SGSM1: variants seen among roughly 807,000 people sequenced by gnomAD.
SGSM1 encodes small G protein signaling modulator 1, also known as RUN and TBC1 domain containing 2.
A neutral mutation model predicts 133.8 loss-of-function variants in SGSM1; 73 were observed. The observed-to-expected ratio is 0.55, with a 90% confidence interval of 0.45 to 0.66. The LOEUF is 0.66. Ranked by LOEUF, SGSM1 falls within the 30% of genes least tolerant of loss-of-function variation. The pLI, the probability that SGSM1 is intolerant of heterozygous loss-of-function variation, is 0.00. For synonymous variants in SGSM1, 563 were observed against 573.0 expected (o/e 0.98, Z 0.25); for missense variants, 1,213 against 1,448.1 (o/e 0.84, Z 2.64).
intron 21 of SGSM1, among the ~76,000 whole-genome samples, chr22:24,908,688 G>C (rs1933502192): frequency 6.6e-6 from 1 of 151,936 alleles, no homozygotes; most frequent in South Asian, 2.1e-4. Flanking sequence ...TGTAGTCCCA[G>C]CTACTCGGGA....
At position 24,896,092 on chromosome 22, in the gene SGSM1, G is replaced by A. The variant is rs112524547; in HGVS notation, c.2022+801G>A. 1.8e-3 allele frequency among the ~76,000 whole-genome samples: 275 copies of A among 152,174 alleles called. 1 individual carries two copies. Among genetic ancestry groups the A allele is most frequent in the African/African-American group, 6.4e-3 (265 of 41,518 alleles). ...AGCCAAGTGCAAAAACATGCATAGT[G>A]TGTTGTCACCTTTTGTGTAAGAAGA... On this transcript the variant is annotated intron_variant, in intron 18 of 24. Transcript: ENST00000400358.
intron 16 of SGSM1, among the ~76,000 whole-genome samples, chr22:24,891,204 T>A (rs768459543): frequency 6.6e-6 from 1 of 151,988 alleles, no homozygotes; most frequent in Admixed American, 6.6e-5. Flanking sequence ...TACAAAAAAT[T>A]TAAAAACTAG....
chr22:24,889,085 C>T (rs1932757157), intron 16 of SGSM1, among the ~76,000 whole-genome samples: 2 of 151,714 alleles, frequency 1.3e-5, no homozygotes, highest in African/African-American at 4.8e-5. Flanking sequence ...CCTCAGCCTC[C>T]CCAGTAGCTG....
chr22:24,855,259 G>A lies in SGSM1; in HGVS notation c.524-26G>A, dbSNP rs1316278623. The A allele has an allele frequency of 3.8e-6, 6 of 1,598,806 alleles. 1 individual carries two copies. In the South Asian group the frequency reaches 6.8e-5, roughly 18 times the overall value. ...GCGGGAGGACTTTCCGGGGCAGTGG[G>A]TTTCCAGCCCCCACATGCCCCTCAG... On this transcript the variant is annotated intron_variant, in intron 6 of 24. Coordinates refer to ENST00000400358, the MANE Select transcript of SGSM1 (RefSeq NM_001098497.3).
chr22:24,908,835 A>G (rs544452466), intron 21 of SGSM1, among the ~76,000 whole-genome samples: 24 of 152,104 alleles, frequency 1.6e-4, no homozygotes, highest in Non-Finnish European at 2.9e-4. Context: ...CAACCTGATT[A>G]AAGTGGGTGA....
chr22:24,854,477 C>G (rs1428462099), intron 5 of SGSM1, among the ~76,000 whole-genome samples: 5 of 152,170 alleles, frequency 3.3e-5, no homozygotes, highest in Non-Finnish European at 7.3e-5. Context: ...ACATGCTGAG[C>G]ACCCCGCTAA....
At chr22:24,876,290 C>T (rs1255279930) in intron 12 of SGSM1, among the ~76,000 whole-genome samples, 2 of 152,202 alleles carry the variant, frequency 1.3e-5, no homozygotes, top group Non-Finnish European at 2.9e-5. Flanking sequence ...CAAGGCTTGG[C>T]CTCCTGCTCT....
intron 2 of SGSM1, among the ~76,000 whole-genome samples, chr22:24,807,150 G>T (rs1450096595): frequency 2.0e-5 from 3 of 152,092 alleles, no homozygotes; most frequent in Non-Finnish European, 4.4e-5. Flanking sequence ...GTCAGCGCGT[G>T]GAGAGGGGGG....
chr22:24,872,990 G>T (rs1931843030), intron 12 of SGSM1, among the ~76,000 whole-genome samples: 1 of 149,424 alleles, frequency 6.7e-6, no homozygotes, highest in Non-Finnish European at 1.5e-5. Context: ...GCAGGGTCTC[G>T]CTCTGTTGCC....
chr22:24,896,361 C>T (rs991868794), intron 18 of SGSM1, among the ~76,000 whole-genome samples: 1 of 151,768 alleles, frequency 6.6e-6, no homozygotes, highest in Non-Finnish European at 1.5e-5. Context: ...TTTTTGAAAA[C>T]ACAGAAACAC....
intron 21 of SGSM1, among the ~76,000 whole-genome samples, chr22:24,907,528 TGTTG>T (rs1297598719): frequency 6.6e-6 from 1 of 151,938 alleles, no homozygotes; most frequent in East Asian, 1.9e-4. Flanking sequence ...TGTTTTTTGT[TGTTG>T]TTTTTTTTGG....
chr22:24,902,658 G>A (rs1258812072), intron 20 of SGSM1, among the ~76,000 whole-genome samples: 1 of 152,042 alleles, frequency 6.6e-6, no homozygotes, highest in Non-Finnish European at 1.5e-5. Flanking sequence ...TTGTACTCCA[G>A]CCTGGGTGAC....
chr22:24,827,312 G>A (rs1184682559), intron 2 of SGSM1, among the ~76,000 whole-genome samples: 1 of 148,422 alleles, frequency 6.7e-6, no homozygotes, highest in South Asian at 2.2e-4. Flanking sequence ...TCCCTGCCTG[G>A]AATTAGCACT....
At chr22:24,915,529 T>C (rs1933792506) in intron 22 of SGSM1, among the ~76,000 whole-genome samples, 1 of 151,990 alleles carries the variant, frequency 6.6e-6, no homozygotes, top group Non-Finnish European at 1.5e-5. Flanking sequence ...AGCATCCCAT[T>C]GTGATTTATA....
At chr22:24,868,977 A>C (rs1931621625) in intron 12 of SGSM1, 122 bp downstream of exon 12, 1 of 1,422,230 alleles carries the variant, frequency 7.0e-7, no homozygotes, top group African/African-American at 1.4e-5. Context: ...GGATCTGGAA[A>C]CAGAAAGTCG....
chr22:24,859,829 C>T lies in SGSM1; in HGVS notation c.915C>T (p.Asp305=). 6.2e-7 allele frequency: 1 copy of T among 1,613,772 alleles called. No individual in the cohort carries two copies. Among genetic ancestry groups the T allele is most frequent in the Admixed American group, 1.7e-5 (1 of 60,024 alleles). Residue 305 remains aspartate, a synonymous_variant, in exon 9 of 25, where the codon GAC becomes GAT. Transcript: ENST00000400358. ...TGAACGGGTCTGTGGGGGACCTGGACTATGAGAAGAGGTAGGGCACTGGGT... is the reference window on the plus strand; with the variant it reads ...TGAACGGGTCTGTGGGGGACCTGGATTATGAGAAGAGGTAGGGCACTGGGT... ...QLMNGSVGDL[D]YEKSVYWDYA...
intron 3 of SGSM1, among the ~76,000 whole-genome samples, chr22:24,845,987 T>G: frequency 6.7e-6 from 1 of 148,816 alleles, no homozygotes; most frequent in South Asian, 2.2e-4. Context: ...CTTTCTTTCT[T>G]TCTTTCTTTC....
At chr22:24,848,860 C>T (rs1385187682) in intron 4 of SGSM1, among the ~76,000 whole-genome samples, 1 of 152,236 alleles carries the variant, frequency 6.6e-6, no homozygotes, top group Non-Finnish European at 1.5e-5. Flanking sequence ...TCAGGCCCTG[C>T]CTGCCCAGGG....
intron 20 of SGSM1, among the ~76,000 whole-genome samples, chr22:24,903,244 T>A (rs1033679241): frequency 2.0e-5 from 3 of 152,000 alleles, no homozygotes; most frequent in African/African-American, 4.8e-5. Flanking sequence ...AGTCTCGCTC[T>A]GTTGCCCAGG....
Sources: allele counts gnomAD v4.1 joint callset (sites outside exome capture counted in the v4.1 genomes callset), GRCh38; gene constraint gnomAD v4.1.1; transcripts MANE v1.5; gene names NCBI Gene and HGNC (gene_info 2026-07-23, HGNC 2026-07-21).